GEMIN8: variants seen among roughly 807,000 people sequenced by gnomAD.
GEMIN8 encodes the protein gem nuclear organelle associated protein 8.
For synonymous variants in GEMIN8, 80 were observed against 78.5 expected (o/e 1.02, Z -0.10); for missense variants, 185 against 205.9 (o/e 0.90, Z 0.62).
At chrX:14,014,209 A>G in intron 4 of GEMIN8, 1 of 751,273 alleles carries the variant, frequency 1.3e-6, no homozygotes, top group Non-Finnish European at 1.6e-6. Context: ...CATCTTTCTG[A>G]TTATATTTTC....
rs1923264453 is a variant in GEMIN8 at position 14,008,023 on chromosome X, A to G, written c.*890T>C. ...TGAGACGGAGTCTTGCTCTTTCTCT[A>G]GGTTGGAGTGCAGTGGCGCGATCTC... is the stretch of plus-strand genomic sequence containing the variant. On this transcript the variant is annotated 3_prime_UTR_variant, in exon 5 of 5. Transcript: ENST00000680255. Among the ~76,000 whole-genome samples, 2 of 110,200 alleles carry G rather than the reference A, an allele frequency of 1.8e-5. No homozygotes were observed. The highest frequency in any genetic ancestry group is 1.9e-4 in the Admixed American group (2 of 10,393).
intron 4 of GEMIN8, chrX:14,014,220 T>C (rs925341489): frequency 1.2e-5 from 9 of 749,385 alleles, no homozygotes; most frequent in Middle Eastern, 7.5e-4. Flanking sequence ...TTATATTTTC[T>C]GCTATTTTGC....
At chrX:14,013,017 T>G (rs1034027535) in intron 4 of GEMIN8, among the ~76,000 whole-genome samples, 2 of 112,651 alleles carry the variant, frequency 1.8e-5, no homozygotes, top group African/African-American at 6.5e-5. Flanking sequence ...GGCTGTGCAC[T>G]GATGGTCACA....
At position 14,006,749 on chromosome X, in the gene GEMIN8, T is replaced by G. The variant is rs1255698223; in HGVS notation, c.*2164A>C. Among the ~76,000 whole-genome samples, 1 of 111,700 alleles carries G rather than the reference T, an allele frequency of 9.0e-6. No homozygotes were observed. The highest frequency in any genetic ancestry group is 1.9e-5 in the Non-Finnish European group (1 of 53,161). The stretch of plus-strand genomic sequence containing the variant: ...AATAAACGTGTCAACATTTATTGAG[T>G]ATTTACCGTGTAGCCAGCACTGTTT... On this transcript the variant is annotated 3_prime_UTR_variant, in exon 5 of 5. Transcript: ENST00000680255.
At chrX:13,984,446 T>A in the GEMIN8 span, among the ~76,000 whole-genome samples, 1 of 112,386 alleles carries the variant, frequency 8.9e-6, no homozygotes, top group South Asian at 3.7e-4. Flanking sequence ...TACCACCTGA[T>A]TTTGTAAATA....
intron 2 of GEMIN8, among the ~76,000 whole-genome samples, chrX:14,025,109 T>C (rs973468774): frequency 2.7e-5 from 3 of 112,123 alleles, no homozygotes; most frequent in East Asian, 2.8e-4. Context: ...ATTTGAATAA[T>C]TGACTTGAAG....
intron 2 of GEMIN8, among the ~76,000 whole-genome samples, chrX:14,024,497 T>TCAAAAA (rs772552640): frequency 2.8e-4 from 30 of 108,643 alleles, no homozygotes; most frequent in Admixed American, 2.2e-3. Context: ...AGACTCAGTC[T>TCAAAAA]CAAAAACAAA....
At chrX:14,002,472 ATATTTT>A (rs1468060412), downstream of GEMIN8, among the ~76,000 whole-genome samples, 1 of 110,819 alleles carries the variant, frequency 9.0e-6, no homozygotes, top group East Asian at 2.8e-4. Flanking sequence ...TGAAACATCT[ATATTTT>A]TATTTTATTT....
In GEMIN8 at chrX:14,009,039, C is replaced by T; in HGVS notation, c.603G>A (p.Met201Ile). The change falls in exon 5 of 5, where the codon ATG becomes ATA. Residue 201 changes from methionine to isoleucine, a missense_variant. By Grantham distance (10) the Met-to-Ile change is conservative. Transcript: ENST00000680255. The stretch of plus-strand genomic sequence containing the variant: ...CAGCACTGTCCCCGTACAAACGCTT[C>T]ATCTCGGCCTGGCGCCGCTCACCAG... ...ERPGERRQAE[M>I]KRLYGDSAAK... 1 of 1,212,159 alleles carries T rather than the reference C, an allele frequency of 8.2e-7. No individual in the cohort carries two copies. The highest frequency in any genetic ancestry group is 1.1e-6 in the Non-Finnish European group (1 of 895,540).
At chrX:14,019,444 A>C (rs1924150736) in intron 4 of GEMIN8, among the ~76,000 whole-genome samples, 1 of 112,109 alleles carries the variant, frequency 8.9e-6, no homozygotes, top group South Asian at 3.7e-4. Flanking sequence ...TCAATGCAGA[A>C]CCAACAGGAA....
chrX:14,015,848 G>A (rs1923863290), intron 4 of GEMIN8, among the ~76,000 whole-genome samples: 1 of 111,700 alleles, frequency 9.0e-6, no homozygotes, highest in Non-Finnish European at 1.9e-5. Context: ...TACTACCCAG[G>A]TCCCTTATCT....
chrX:14,025,962 C>A (rs1290879350), intron 2 of GEMIN8, 178 bp downstream of exon 2: 8 of 470,661 alleles, frequency 1.7e-5, no homozygotes, highest in Non-Finnish European at 2.1e-5. Flanking sequence ...GCATGGAGAA[C>A]TTAAGGAGCT....
At chrX:13,999,173 C>G in the GEMIN8 span, among the ~76,000 whole-genome samples, 1 of 111,093 alleles carries the variant, frequency 9.0e-6, no homozygotes, top group African/African-American at 3.3e-5. Flanking sequence ...CTCAGTTACC[C>G]TCATTGTTAA....
chrX:14,004,385 C>T (rs1923070851), downstream of GEMIN8, among the ~76,000 whole-genome samples: 1 of 112,024 alleles, frequency 8.9e-6, no homozygotes, highest in Admixed American at 9.5e-5. Context: ...TGTGCACCTC[C>T]TTGTGCCCAC....
At chrX:14,001,762 C>T (rs969247230), downstream of GEMIN8, among the ~76,000 whole-genome samples, 3 of 110,482 alleles carry the variant, frequency 2.7e-5, no homozygotes, top group Admixed American at 9.4e-5. Context: ...CTGCTCGCCT[C>T]GGCCTCCCAG....
chrX:14,028,269 G>C (rs1326036204), intron 1 of GEMIN8, among the ~76,000 whole-genome samples: 3 of 111,431 alleles, frequency 2.7e-5, no homozygotes, highest in Middle Eastern at 9.3e-3. Flanking sequence ...CTTAGATGCT[G>C]CTGAAATTGT....
At chrX:14,026,278 C>G in intron 1 of GEMIN8, 57 bp from the exon 2 acceptor site, 1 of 753,132 alleles carries the variant, frequency 1.3e-6, no homozygotes, top group South Asian at 6.8e-5. Context: ...GCTCTACAAA[C>G]CCGGCAGCCC....
At chrX:14,024,704 T>C (rs1163303181) in intron 2 of GEMIN8, among the ~76,000 whole-genome samples, 1 of 111,684 alleles carries the variant, frequency 9.0e-6, no homozygotes, top group Non-Finnish European at 1.9e-5. Flanking sequence ...TTCCAGCTTC[T>C]GAACCAGAGG....
downstream of GEMIN8, among the ~76,000 whole-genome samples, chrX:14,001,888 C>T (rs1489832425): frequency 1.9e-5 from 2 of 105,478 alleles, no homozygotes; most frequent in African/African-American, 6.8e-5. Flanking sequence ...TTTGGGAGGC[C>T]GAGGTGGGCG....
Sources: gnomAD v4.1 joint callset for allele counts (sites outside exome capture counted in the v4.1 genomes callset) on GRCh38, gnomAD v4.1.1 for gene constraint, MANE v1.5 for transcripts, NCBI Gene and HGNC (gene_info 2026-07-23, HGNC 2026-07-21) for gene names.